The following UBE2G1 variants were observed in gnomAD, a reference collection of about 807,000 sequenced individuals.
UBE2G1 encodes the protein ubiquitin-conjugating enzyme E2 G1.
Under a neutral mutation model 22.7 loss-of-function variants are expected in UBE2G1, and 5 were observed. The ratio of observed to expected loss-of-function variants is 0.22; its 90% CI spans 0.12 to 0.46. UBE2G1 has a LOEUF of 0.46. Among genes scored for constraint, UBE2G1 ranks in the 20% least tolerant of loss-of-function variants. The pLI, the probability that UBE2G1 is intolerant of heterozygous loss-of-function variation, is 0.99. For synonymous variants in UBE2G1, 74 were observed against 67.5 expected (o/e 1.10, Z -0.47); for missense variants, 88 against 203.9 (o/e 0.43, Z 3.46).
intron 1 of UBE2G1, among the ~76,000 whole-genome samples, chr17:4,310,980 G>A (rs1969303718): frequency 6.6e-6 from 1 of 152,172 alleles, no homozygotes; most frequent in Non-Finnish European, 1.5e-5. Flanking sequence ...GGAGGCTGAG[G>A]TGGGCAGATC....
At chr17:4,350,186 C>A (rs927715678) in intron 1 of UBE2G1, among the ~76,000 whole-genome samples, 2 of 152,158 alleles carry the variant, frequency 1.3e-5, no homozygotes, top group African/African-American at 4.8e-5. Context: ...GTTGGCCAGG[C>A]GTGGTAACTC....
At chr17:4,309,690 C>A (rs903586836) in intron 1 of UBE2G1, among the ~76,000 whole-genome samples, 2 of 152,194 alleles carry the variant, frequency 1.3e-5, no homozygotes, top group African/African-American at 4.8e-5. Flanking sequence ...AACACCATTA[C>A]ATTACTCGGA....
At position 4,366,638 on chromosome 17, in the gene UBE2G1, C is replaced by T; in HGVS notation, c.-322G>A. 1 of 281,962 alleles carries T rather than the reference C, an allele frequency of 3.5e-6. No individual in the cohort carries two copies. The highest frequency in any genetic ancestry group is 6.6e-5 in the East Asian group (1 of 15,176). The allele number at this position is 281,962 out of a possible 1,614,324, so 17.5% of individuals were successfully genotyped here. A position where few individuals can be genotyped will look rare whatever the true frequency, so the allele number is the denominator to read the frequency against. On this transcript the variant is annotated 5_prime_UTR_variant, in exon 1 of 6. In the 5' UTR this introduces an upstream ATG that the reference lacks. Coordinates refer to ENST00000396981, the MANE Select transcript of UBE2G1 (RefSeq NM_003342.5). Reference sequence around the variant, plus strand: ...GGTGCCTTCCCCCGCCACTGCCTCACTGCGCGCAGGGCCGCTCGGCGCAGG... The same window carrying T: ...GGTGCCTTCCCCCGCCACTGCCTCATTGCGCGCAGGGCCGCTCGGCGCAGG...
intron 4 of UBE2G1, among the ~76,000 whole-genome samples, chr17:4,287,974 G>A (rs1968987448): frequency 6.6e-6 from 1 of 152,040 alleles, no homozygotes; most frequent in South Asian, 2.1e-4. Flanking sequence ...AACAATAATA[G>A]TACTACATTA....
In UBE2G1 at chr17:4,271,005, T is replaced by C. The variant is rs191498493; in HGVS notation, c.*1549A>G. 6.6e-6 allele frequency: 1 copy of C among 152,352 alleles called. No homozygotes were observed. Among genetic ancestry groups the C allele is most frequent in the East Asian group, 1.9e-4 (1 of 5,190 alleles). 9.4% of individuals were successfully genotyped at this position (152,352 alleles called of 1,614,324 possible). A position where few individuals can be genotyped will look rare whatever the true frequency, so the allele number is the denominator to read the frequency against. The stretch of plus-strand genomic sequence containing the variant: ...CAATCAAACACCATGTCCCATCTGC[T>C]ACTGTCTCAAGTTCTATCCCTTATA... On this transcript the variant is annotated 3_prime_UTR_variant, in exon 6 of 6. Transcript: ENST00000396981.
At chr17:4,353,981 C>T (rs1969876508) in intron 1 of UBE2G1, among the ~76,000 whole-genome samples, 1 of 152,102 alleles carries the variant, frequency 6.6e-6, no homozygotes, top group South Asian at 2.1e-4. Flanking sequence ...CTGCACCTGG[C>T]CTACCCCAGC....
At chr17:4,334,035 G>A (rs897172635) in intron 1 of UBE2G1, among the ~76,000 whole-genome samples, 4 of 151,946 alleles carry the variant, frequency 2.6e-5, no homozygotes, top group African/African-American at 2.4e-5. Flanking sequence ...ATTGTGGCAC[G>A]TGAATGGCAG....
intron 1 of UBE2G1, among the ~76,000 whole-genome samples, chr17:4,340,135 G>A (rs1336691395): frequency 1.3e-5 from 2 of 152,064 alleles, no homozygotes; most frequent in Non-Finnish European, 2.9e-5. Flanking sequence ...TGCCCAGGCT[G>A]GTCTCAAATT....
At chr17:4,302,412 T>C in intron 2 of UBE2G1, 1 of 507,786 alleles carries the variant, frequency 2.0e-6, no homozygotes, top group Non-Finnish European at 4.0e-6. Flanking sequence ...CGCTTGCCTG[T>C]GCATTTTGGC....
intron 1 of UBE2G1, among the ~76,000 whole-genome samples, chr17:4,365,544 G>A (rs1970023299): frequency 6.6e-6 from 1 of 152,108 alleles, no homozygotes; most frequent in Admixed American, 6.5e-5. Flanking sequence ...CTGCGCAGCA[G>A]CCGGAATCGC....
At chr17:4,360,649 C>G (rs1046530873) in intron 1 of UBE2G1, among the ~76,000 whole-genome samples, 1 of 151,708 alleles carries the variant, frequency 6.6e-6, no homozygotes, top group African/African-American at 2.4e-5. Context: ...CAGTGGCTCA[C>G]GCCTGTAATC....
intron 2 of UBE2G1, chr17:4,302,386 G>A (rs1969193762): frequency 2.0e-6 from 1 of 490,106 alleles, no homozygotes; most frequent in Non-Finnish European, 4.2e-6. Context: ...GTGTCTTCTG[G>A]GAATCTCCTA....
chr17:4,313,329 GAGA>G (rs543926327), intron 1 of UBE2G1, among the ~76,000 whole-genome samples: 96 of 152,154 alleles, frequency 6.3e-4, no homozygotes, highest in Non-Finnish European at 1.2e-3. Context: ...GCAAAATAGG[GAGA>G]AGTTTAAAAT....
chr17:4,289,196 A>T (rs1969006194), intron 4 of UBE2G1, 34 bp downstream of exon 4: 12 of 1,477,402 alleles, frequency 8.1e-6, no homozygotes, highest in Non-Finnish European at 1.1e-5. Context: ...TACAAGGGAA[A>T]GTGAAGGGAA....
intron 1 of UBE2G1, among the ~76,000 whole-genome samples, chr17:4,348,113 C>T (rs1465882694): frequency 6.6e-6 from 1 of 152,196 alleles, no homozygotes; most frequent in Non-Finnish European, 1.5e-5. Flanking sequence ...TAAAAGTTAG[C>T]CAGGCGCAAT....
chr17:4,272,846 C>A (rs1032702666), intron 5 of UBE2G1, among the ~76,000 whole-genome samples: 1 of 152,218 alleles, frequency 6.6e-6, no homozygotes, highest in South Asian at 2.1e-4. Flanking sequence ...TACTGGACAG[C>A]GCTAATTTAG....
At chr17:4,347,617 G>A (rs7214726) in intron 1 of UBE2G1, among the ~76,000 whole-genome samples, 20,061 of 151,668 alleles carry the variant, frequency 0.13, 1,702 homozygotes, top group Non-Finnish European at 0.19. Context: ...TGCAACTACA[G>A]GCAAATGCCA....
At chr17:4,284,403 A>G (rs1224852111) in intron 4 of UBE2G1, among the ~76,000 whole-genome samples, 2 of 152,106 alleles carry the variant, frequency 1.3e-5, no homozygotes, top group Non-Finnish European at 2.9e-5. Context: ...GTTTAAGACC[A>G]GACTGGCCAA....
intron 2 of UBE2G1, among the ~76,000 whole-genome samples, chr17:4,298,792 C>T (rs972799442): frequency 3.9e-5 from 6 of 152,050 alleles, no homozygotes; most frequent in African/African-American, 7.2e-5. Flanking sequence ...ACAAAACAAG[C>T]GCTTTAAAAG....
Sources: gnomAD v4.1 joint callset for allele counts (sites outside exome capture counted in the v4.1 genomes callset) on GRCh38, gnomAD v4.1.1 for gene constraint, MANE v1.5 for transcripts, NCBI Gene and HGNC (gene_info 2026-07-23, HGNC 2026-07-21) for gene names.